KALRN: variants seen among roughly 807,000 people sequenced by gnomAD.
KALRN encodes kalirin.
A neutral mutation model predicts 353.7 loss-of-function variants in KALRN; 70 were observed. The observed-to-expected ratio is 0.20, with a 90% CI of 0.16 to 0.24. The LOEUF is 0.24. Among genes scored for constraint, KALRN ranks in the 10% least tolerant of loss-of-function variants. The pLI is 1.00. For synonymous variants in KALRN, 1,391 were observed against 1,434.8 expected (o/e 0.97, Z 0.69); for missense variants, 2,791 against 3,756.7 (o/e 0.74, Z 6.72).
At chr3:124,171,010 T>C (rs1156435698) in intron 1 of KALRN, among the ~76,000 whole-genome samples, 1 of 151,398 alleles carries the variant, frequency 6.6e-6, no homozygotes, top group Admixed American at 6.6e-5. Flanking sequence ...AGAGACAGGG[T>C]TTCATTATGT....
intron 34 of KALRN, among the ~76,000 whole-genome samples, chr3:124,592,860 C>G (rs2149375626): frequency 6.6e-6 from 1 of 152,358 alleles, no homozygotes; most frequent in Admixed American, 6.5e-5. Flanking sequence ...TGCCAGGCAG[C>G]TTTTGCCAAG....
Position 124,244,369 on chromosome 3 carries a change from C to CT in KALRN, c.263+9427dup, listed in dbSNP as rs1355365744. On this transcript the variant is annotated intron_variant, in intron 3 of 59. Transcript: ENST00000682506. Reference sequence around the variant, plus strand: ...CCTCTTGCCTCAGCCTCACAAGTAGCTGGGATGACAAGTGCCCACCACACG... The same window carrying CT: ...CCTCTTGCCTCAGCCTCACAAGTAGCTTGGGATGACAAGTGCCCACCACACG... Among the ~76,000 whole-genome samples the CT allele has an allele frequency of 4.6e-5, 7 of 152,096 alleles. No individual in the cohort carries two copies. In the South Asian group the frequency reaches 1.5e-3, roughly 32 times the overall value.
At chr3:124,117,260 C>T (rs16835110) in intron 1 of KALRN, among the ~76,000 whole-genome samples, 3,123 of 151,842 alleles carry the variant, frequency 0.021, 97 homozygotes, top group African/African-American at 0.071. Context: ...ATTTTGTTGA[C>T]CTGCTGCCCT....
chr3:124,590,258 G>A (rs1405626538), intron 34 of KALRN, among the ~76,000 whole-genome samples: 3 of 152,162 alleles, frequency 2.0e-5, no homozygotes, highest in African/African-American at 7.2e-5. Flanking sequence ...GGTAGAAATG[G>A]GGGTGTATGA....
At chr3:124,662,111 C>A (rs931897598) in intron 45 of KALRN, among the ~76,000 whole-genome samples, 183 bp downstream of exon 45, 6 of 151,290 alleles carry the variant, frequency 4.0e-5, no homozygotes, top group Non-Finnish European at 7.4e-5. Context: ...GGAAGTCCAG[C>A]AGTAGGGAGG....
intron 10 of KALRN, among the ~76,000 whole-genome samples, chr3:124,369,212 A>G (rs1034394948): frequency 4.6e-5 from 7 of 152,216 alleles, no homozygotes; most frequent in Non-Finnish European, 7.3e-5. Flanking sequence ...AATGAAATTT[A>G]TTTGTATTTC....
chr3:124,630,979 T>C (rs1273369757), intron 34 of KALRN, among the ~76,000 whole-genome samples: 1 of 152,174 alleles, frequency 6.6e-6, no homozygotes, highest in Non-Finnish European at 1.5e-5. Context: ...CCACTACAGC[T>C]GCTTTTTTCA....
intron 57 of KALRN, among the ~76,000 whole-genome samples, chr3:124,703,888 T>G (rs919918484): frequency 3.3e-5 from 5 of 152,130 alleles, no homozygotes; most frequent in Non-Finnish European, 5.9e-5. Flanking sequence ...CAGGCTGGTC[T>G]CAAATTCCTG....
intron 24 of KALRN, 86 bp downstream of exon 24, chr3:124,462,042 A>G (rs964363537): frequency 1.1e-6 from 1 of 946,228 alleles, no homozygotes; most frequent in Non-Finnish European, 1.7e-6. Context: ...ATTTGGTGCT[A>G]TTGGTCTTCT....
intron 3 of KALRN, among the ~76,000 whole-genome samples, chr3:124,237,007 G>T (rs2079859392): frequency 6.6e-6 from 1 of 152,220 alleles, no homozygotes; most frequent in Non-Finnish European, 1.5e-5. Flanking sequence ...TGCCTGGCAG[G>T]CCGCAGAGTT....
intron 34 of KALRN, among the ~76,000 whole-genome samples, chr3:124,565,603 T>A (rs189446487): frequency 7.2e-5 from 11 of 152,336 alleles, no homozygotes; most frequent in Admixed American, 1.3e-4. Flanking sequence ...GCACAGCAAT[T>A]CATTTGCCGC....
intron 11 of KALRN, among the ~76,000 whole-genome samples, chr3:124,389,023 G>A (rs775609169): frequency 1.2e-4 from 19 of 152,118 alleles, no homozygotes; most frequent in African/African-American, 2.4e-4. Context: ...CCTTCTTACC[G>A]TGAATAGAGT....
At chr3:124,155,991 A>G (rs2068927488) in intron 1 of KALRN, among the ~76,000 whole-genome samples, 1 of 152,202 alleles carries the variant, frequency 6.6e-6, no homozygotes, top group Admixed American at 6.5e-5. Context: ...CTGATAAGAC[A>G]GGGTCTCCTT....
At chr3:124,366,680 C>T (rs1219990226) in intron 10 of KALRN, among the ~76,000 whole-genome samples, 3 of 152,130 alleles carry the variant, frequency 2.0e-5, no homozygotes, top group South Asian at 2.1e-4. Flanking sequence ...TCCACAAAAC[C>T]GCCATTGTCA....
At chr3:124,642,219 G>A (rs2082107842) in intron 37 of KALRN, among the ~76,000 whole-genome samples, 1 of 152,124 alleles carries the variant, frequency 6.6e-6, no homozygotes, top group South Asian at 2.1e-4. Context: ...GGGAGGCAGA[G>A]GTTGCAGTGA....
chr3:124,445,029 G>A (rs1432677742), intron 19 of KALRN, among the ~76,000 whole-genome samples: 3 of 152,132 alleles, frequency 2.0e-5, no homozygotes, highest in Non-Finnish European at 4.4e-5. Flanking sequence ...GTACTTTATA[G>A]TCTTAGTAAT....
At chr3:124,330,060 GGCCTGTGCCCTGTGAAATA>G (rs2080350031) in intron 8 of KALRN, 68 bp downstream of exon 8, 1 of 1,542,372 alleles carries the variant, frequency 6.5e-7, no homozygotes, top group Admixed American at 1.8e-5. Flanking sequence ...TGAGGGCACT[GGCCTGTGCCCTGTGAAATA>G]GCCTGGGTGG....
At chr3:124,249,354 G>A (rs955765944) in intron 3 of KALRN, among the ~76,000 whole-genome samples, 7 of 152,172 alleles carry the variant, frequency 4.6e-5, no homozygotes, top group African/African-American at 1.2e-4. Flanking sequence ...TTAAATGGAC[G>A]TAATCAGACA....
chr3:124,442,809 A>AC (rs1400417805), intron 19 of KALRN, among the ~76,000 whole-genome samples: 2 of 151,934 alleles, frequency 1.3e-5, no homozygotes, highest in African/African-American at 4.8e-5. Context: ...ACATATTGAG[A>AC]CCCCATCTCT....
Sources: gnomAD v4.1 joint callset for allele counts (sites outside exome capture counted in the v4.1 genomes callset) on GRCh38, gnomAD v4.1.1 for gene constraint, MANE v1.5 for transcripts, NCBI Gene and HGNC (gene_info 2026-07-23, HGNC 2026-07-21) for gene names.